Variants in BMERB1 observed in about 807,000 individuals in gnomAD.
BMERB1 encodes bMERB domain-containing protein 1.
In BMERB1, 12 loss-of-function variants were observed where a neutral mutation model predicts 23.6. The ratio of observed to expected loss-of-function variants is 0.51; its 90% CI spans 0.33 to 0.82. BMERB1 has a LOEUF of 0.82. Among genes scored for constraint, BMERB1 ranks in the 40% least tolerant of loss-of-function variants. The probability of loss-of-function intolerance (pLI) is 0.03; values close to 1 mark genes in which losing one functional copy is unlikely to be tolerated. For synonymous variants in BMERB1, 122 were observed against 96.6 expected, an observed-to-expected ratio of 1.26 and a Z score of -1.54; for missense variants, 247 against 255.4, an observed-to-expected ratio of 0.97 and a Z score of 0.22.
At chr16:15,585,039 C>G (rs1160815616) in intron 5 of BMERB1, among the ~76,000 whole-genome samples, 1 of 152,210 alleles carries the variant, frequency 6.6e-6, no homozygotes, top group Non-Finnish European at 1.5e-5. Flanking sequence ...AAACCAAAAG[C>G]TGCCACTGTC....
Position 15,587,487 on chromosome 16 carries a change from T to A in BMERB1, c.*658T>A. 2.3e-6 allele frequency: 1 copy of A among 429,366 alleles called. No individual in the cohort carries two copies. 26.6% of individuals were successfully genotyped at this position (429,366 alleles called of 1,614,324 possible). The stretch of plus-strand genomic sequence containing the variant: ...GTTCACATCAGGACAGCGTCCATTG[T>A]GCTCTCAGTCTGCCTCAGGTGTGTG... On this transcript the variant is annotated 3_prime_UTR_variant, in exon 6 of 6. Transcript: ENST00000300006.
At chr16:15,503,399 A>G (rs895050042) in intron 1 of BMERB1, among the ~76,000 whole-genome samples, 1 of 150,552 alleles carries the variant, frequency 6.6e-6, no homozygotes, top group Non-Finnish European at 1.5e-5. Context: ...CTTCTGCCTC[A>G]GCCTCCTGAG....
chr16:15,470,818 C>T (rs1211200351), intron 1 of BMERB1, among the ~76,000 whole-genome samples: 5 of 144,814 alleles, frequency 3.5e-5, no homozygotes, highest in Non-Finnish European at 7.5e-5. Flanking sequence ...GCCACCGCAC[C>T]TGGCCTCTTT....
intron 1 of BMERB1, among the ~76,000 whole-genome samples, chr16:15,482,359 G>A (rs2051329160): frequency 6.6e-6 from 1 of 152,186 alleles, no homozygotes; most frequent in Non-Finnish European, 1.5e-5. Flanking sequence ...AAGCCATGAG[G>A]TGAGCAGAGA....
chr16:15,544,200 A>G (rs2052111262), intron 2 of BMERB1, among the ~76,000 whole-genome samples: 1 of 152,226 alleles, frequency 6.6e-6, no homozygotes, highest in African/African-American at 2.4e-5. Flanking sequence ...AAAGATGCTG[A>G]TGAGTCCACT....
chr16:15,506,529 A>G (rs755381439), intron 1 of BMERB1, among the ~76,000 whole-genome samples: 11 of 152,142 alleles, frequency 7.2e-5, no homozygotes, highest in Non-Finnish European at 1.6e-4. Context: ...TTCCTTTCTC[A>G]AGAAACTGAC....
intron 2 of BMERB1, among the ~76,000 whole-genome samples, chr16:15,526,601 T>C (rs2051907161): frequency 6.8e-6 from 1 of 146,884 alleles, no homozygotes; most frequent in Non-Finnish European, 1.5e-5. Context: ...GAGGTGGAGG[T>C]TGCAGTGAGC....
chr16:15,545,090 A>G (rs1209130233), intron 2 of BMERB1, among the ~76,000 whole-genome samples: 1 of 152,042 alleles, frequency 6.6e-6, no homozygotes, highest in Non-Finnish European at 1.5e-5. Flanking sequence ...CTCCCGCCTC[A>G]GCCTCCCGAG....
At chr16:15,538,279 C>G (rs1319230912) in intron 2 of BMERB1, among the ~76,000 whole-genome samples, 1 of 152,136 alleles carries the variant, frequency 6.6e-6, no homozygotes, top group Admixed American at 6.5e-5. Flanking sequence ...TGGTGAAACA[C>G]CATCTCTTAC....
intron 2 of BMERB1, among the ~76,000 whole-genome samples, chr16:15,557,548 C>G (rs1454523394): frequency 1.3e-5 from 2 of 152,186 alleles, no homozygotes; most frequent in Non-Finnish European, 2.9e-5. Context: ...TGCACCTATC[C>G]ACACATATGT....
intron 1 of BMERB1, among the ~76,000 whole-genome samples, chr16:15,497,829 G>T (rs2051488673): frequency 6.6e-6 from 1 of 152,174 alleles, no homozygotes. Context: ...ACAGTACTTG[G>T]CTGGCATTTG....
At chr16:15,537,089 G>A (rs936645537) in intron 2 of BMERB1, 1 of 152,100 alleles carries the variant, frequency 6.6e-6, no homozygotes, top group African/African-American at 2.4e-5. Flanking sequence ...GCCATCTGTT[G>A]TCTTCATCAT....
chr16:15,529,178 C>G (rs1226189431), intron 2 of BMERB1, among the ~76,000 whole-genome samples: 1 of 152,154 alleles, frequency 6.6e-6, no homozygotes, highest in Non-Finnish European at 1.5e-5. Context: ...GCGCCCACCA[C>G]CACGCCCGGC....
chr16:15,463,987 A>G (rs184059501), intron 1 of BMERB1, among the ~76,000 whole-genome samples: 49 of 152,224 alleles, frequency 3.2e-4, no homozygotes, highest in African/African-American at 1.1e-3. Flanking sequence ...GGGCAACTCC[A>G]TAGAGTAAAG....
Position 15,583,657 on chromosome 16 carries a change from C to T in BMERB1, c.502+419C>T, listed in dbSNP as rs558740702. On this transcript the variant is annotated intron_variant, in intron 5 of 5. Transcript: ENST00000300006. ...GCGCAACAAAATGCTTTCTAGAGAT[C>T]AGATCTAGAGATCAGATTTCAGCAT... Among the ~76,000 whole-genome samples, 122 of 151,116 alleles carry T rather than the reference C, an allele frequency of 8.1e-4. 1 individual carries two copies. Among genetic ancestry groups the T allele is most frequent in the African/African-American group, 2.6e-3 (107 of 41,138 alleles).
intron 2 of BMERB1, among the ~76,000 whole-genome samples, chr16:15,546,124 T>TA (rs1436438439): frequency 2.0e-5 from 3 of 151,926 alleles, no homozygotes; most frequent in South Asian, 2.1e-4. Context: ...CCCCTCTCTA[T>TA]AAAAAATATA....
intron 5 of BMERB1, among the ~76,000 whole-genome samples, chr16:15,584,800 C>G (rs1264233357): frequency 1.3e-5 from 2 of 152,180 alleles, no homozygotes; most frequent in Non-Finnish European, 2.9e-5. Context: ...CTTAGCAACT[C>G]TGAAGCAATA....
chr16:15,543,359 A>G (rs2052104303), intron 2 of BMERB1, among the ~76,000 whole-genome samples: 1 of 152,230 alleles, frequency 6.6e-6, no homozygotes, highest in South Asian at 2.1e-4. Context: ...GGAAAAGGCA[A>G]CATTTGGGTG....
intron 2 of BMERB1, among the ~76,000 whole-genome samples, chr16:15,537,165 A>G (rs1486275467): frequency 1.3e-5 from 2 of 152,162 alleles, no homozygotes; most frequent in African/African-American, 4.8e-5. Flanking sequence ...TTATCAAGAA[A>G]ATTATAAGCA....
Sources: gnomAD v4.1 joint callset for allele counts (sites outside exome capture counted in the v4.1 genomes callset) on GRCh38, gnomAD v4.1.1 for gene constraint, MANE v1.5 for transcripts, NCBI Gene and HGNC (gene_info 2026-07-23, HGNC 2026-07-21) for gene names.